Variants in RALGAPA1 observed in about 807,000 individuals in gnomAD.
The protein encoded by RALGAPA1 is Ral GTPase activating protein catalytic subunit alpha 1.
RALGAPA1 carries 52 observed loss-of-function variants against 269.6 expected under a neutral mutation model. That is an observed-to-expected ratio of 0.19 (90% CI 0.15 to 0.24). The LOEUF (loss-of-function observed/expected upper bound fraction) is 0.24, where lower values mean the gene tolerates loss of function less well. Among genes scored for constraint, RALGAPA1 ranks in the 10% least tolerant of loss-of-function variants. RALGAPA1 has a pLI of 1.00. For synonymous variants in RALGAPA1, 817 were observed against 1,008.3 expected (o/e 0.81, Z 3.60); for missense variants, 1,917 against 3,013.9 (o/e 0.64, Z 8.52).
intron 10 of RALGAPA1, among the ~76,000 whole-genome samples, chr14:35,744,730 T>G (rs1312979818): frequency 6.6e-6 from 1 of 152,232 alleles, no homozygotes; most frequent in Non-Finnish European, 1.5e-5. Context: ...TTCTAGCAGC[T>G]TAATGGTCAA....
chr14:35,804,798 C>T (rs941957842), intron 1 of RALGAPA1, among the ~76,000 whole-genome samples: 3 of 150,828 alleles, frequency 2.0e-5, no homozygotes, highest in Non-Finnish European at 3.0e-5. Flanking sequence ...TGGCCATACA[C>T]GGTGGTGCAT....
At chr14:35,673,568 C>A (rs574412171) in intron 24 of RALGAPA1, among the ~76,000 whole-genome samples, 35 of 152,118 alleles carry the variant, frequency 2.3e-4, no homozygotes, top group Admixed American at 2.0e-3. Flanking sequence ...TTTTAAAAAA[C>A]AAACAAAAAA....
At chr14:35,696,050 C>T (rs1261327126) in intron 17 of RALGAPA1, among the ~76,000 whole-genome samples, 1 of 152,160 alleles carries the variant, frequency 6.6e-6, no homozygotes, top group African/African-American at 2.4e-5. Flanking sequence ...AGAAACAGTG[C>T]ATTGACATAG....
chr14:35,591,727 G>A (rs1231612557), intron 37 of RALGAPA1, among the ~76,000 whole-genome samples: 1 of 152,136 alleles, frequency 6.6e-6, no homozygotes, highest in African/African-American at 2.4e-5. Flanking sequence ...AACAAACACA[G>A]AAATCTTTCA....
intron 16 of RALGAPA1, among the ~76,000 whole-genome samples, chr14:35,710,355 G>A (rs1239967324): frequency 3.9e-5 from 6 of 152,010 alleles, no homozygotes; most frequent in Non-Finnish European, 7.4e-5. Flanking sequence ...TCTGCCTCTC[G>A]GGCTCAAGCA....
At chr14:35,753,889 G>A (rs1022601536) in intron 7 of RALGAPA1, among the ~76,000 whole-genome samples, 31 of 152,048 alleles carry the variant, frequency 2.0e-4, no homozygotes, top group African/African-American at 7.0e-4. Context: ...GGTAACCCGC[G>A]TAATTACAAA....
At chr14:35,732,133 A>T (rs2070539221) in intron 12 of RALGAPA1, among the ~76,000 whole-genome samples, 1 of 152,172 alleles carries the variant, frequency 6.6e-6, no homozygotes, top group African/African-American at 2.4e-5. Flanking sequence ...ATCCAGCAAA[A>T]CTAAGCATCA....
chr14:35,757,103 T>TATC (rs1363457444), intron 6 of RALGAPA1, among the ~76,000 whole-genome samples, 195 bp from the exon 7 acceptor site: 27 of 133,126 alleles, frequency 2.0e-4, no homozygotes, highest in Non-Finnish European at 3.7e-4. Context: ...TTTATTTATT[T>TATC]ATTATTATTA....
intron 1 of RALGAPA1, among the ~76,000 whole-genome samples, chr14:35,801,747 C>G (rs1411561296): frequency 6.6e-6 from 1 of 152,106 alleles, no homozygotes; most frequent in African/African-American, 2.4e-5. Context: ...ATGAAACTCT[C>G]TAAATCTGAT....
intron 12 of RALGAPA1, among the ~76,000 whole-genome samples, chr14:35,730,437 G>A (rs1252038371): frequency 6.6e-6 from 1 of 152,202 alleles, no homozygotes; most frequent in Non-Finnish European, 1.5e-5. Flanking sequence ...ACAGGCAGGG[G>A]AAGAACCAAA....
intron 37 of RALGAPA1, among the ~76,000 whole-genome samples, chr14:35,592,342 A>G (rs970258928): frequency 2.0e-5 from 3 of 152,248 alleles, no homozygotes; most frequent in African/African-American, 7.2e-5. Flanking sequence ...TGAACAGACC[A>G]ATAACAAAGA....
At chr14:35,617,096 C>T (rs1166954207) in intron 35 of RALGAPA1, among the ~76,000 whole-genome samples, 1 of 152,130 alleles carries the variant, frequency 6.6e-6, no homozygotes, top group African/African-American at 2.4e-5. Context: ...GAAGGAGATT[C>T]AAACATAGTC....
intron 1 of RALGAPA1, among the ~76,000 whole-genome samples, chr14:35,780,299 C>G (rs537356766): frequency 1.1e-3 from 171 of 152,276 alleles, no homozygotes; most frequent in African/African-American, 3.9e-3. Context: ...AGAGTCAACA[C>G]TCTACTTTCA....
At chr14:35,728,089 T>G (rs2070131205) in intron 13 of RALGAPA1, among the ~76,000 whole-genome samples, 1 of 152,234 alleles carries the variant, frequency 6.6e-6, no homozygotes, top group Admixed American at 6.5e-5. Context: ...TACATTTGTA[T>G]GCATGTATTC....
chr14:35,748,635 A>G lies in RALGAPA1; in HGVS notation c.1201T>C (p.Phe401Leu), dbSNP rs767334395. ...TTTACATTACTCCTTTTAGAAGAAAAAACTCTGCGAACTATTTCAATGTCT... is the reference window on the plus strand; with the variant it reads ...TTTACATTACTCCTTTTAGAAGAAAGAACTCTGCGAACTATTTCAATGTCT... ...LTDIEIVRRV[F>L]SSKRSNVNFV... The change falls in exon 10 of 42, where the codon TTT (phenylalanine) becomes CTT (leucine). Residue 401 changes from phenylalanine to leucine, a missense_variant. This residue lies in a region of RALGAPA1 where 462 missense variants were observed against 725.6 expected (regional missense o/e 0.64). Coordinates refer to ENST00000680220, the MANE Select transcript of RALGAPA1 (RefSeq NM_001346249.2). 8.1e-6 allele frequency: 13 copies of G among 1,611,614 alleles called. No homozygotes were observed. Among genetic ancestry groups the G allele is most frequent in the Admixed American group, 6.7e-5 (4 of 59,748 alleles).
chr14:35,615,437 T>C (rs987021363), intron 35 of RALGAPA1, among the ~76,000 whole-genome samples: 2 of 152,170 alleles, frequency 1.3e-5, no homozygotes, highest in African/African-American at 4.8e-5. Context: ...CCCGCCCTAG[T>C]CCTCCCTAGA....
intron 16 of RALGAPA1, among the ~76,000 whole-genome samples, chr14:35,717,051 T>C (rs1400936727): frequency 6.6e-6 from 1 of 152,336 alleles, no homozygotes; most frequent in East Asian, 1.9e-4. Context: ...GCTACAAAGG[T>C]TCCTCTCTTT....
chr14:35,668,804 T>C (rs1273414985), intron 26 of RALGAPA1, among the ~76,000 whole-genome samples: 2 of 151,928 alleles, frequency 1.3e-5, no homozygotes, highest in East Asian at 1.9e-4. Flanking sequence ...GACCCTGATA[T>C]CTCAAAAACA....
intron 33 of RALGAPA1, among the ~76,000 whole-genome samples, chr14:35,630,310 CAG>C (rs2061279355): frequency 6.7e-6 from 1 of 149,780 alleles, no homozygotes; most frequent in Admixed American, 6.6e-5. Flanking sequence ...TTTTTTGGGA[CAG>C]AGTCTTGCTG....
Sources: gnomAD v4.1 joint callset for allele counts (sites outside exome capture counted in the v4.1 genomes callset) on GRCh38, gnomAD v4.1.1 for gene constraint, gnomAD v4.1.1 regional missense constraint, MANE v1.5 for transcripts, NCBI Gene and HGNC (gene_info 2026-07-23, HGNC 2026-07-21) for gene names.